AGXT: variants seen among roughly 807,000 people sequenced by gnomAD.
AGXT encodes alanine--glyoxylate aminotransferase.
In AGXT, 41 loss-of-function variants were observed where a neutral mutation model predicts 46.9. The ratio of observed to expected loss-of-function variants is 0.88; its 90% CI spans 0.68 to 1.14. AGXT has a LOEUF of 1.14. Among genes scored for constraint, AGXT ranks in the 50% most tolerant of loss-of-function variants. AGXT has a pLI of 0.00. For missense variants in AGXT, 525 were observed against 522.7 expected (o/e 1.00, Z -0.04); for synonymous variants, 244 against 227.9 (o/e 1.07, Z -0.64).
chr2:240,877,429 C>T (rs756950376), intron 8 of AGXT, 108 bp from the exon 9 acceptor site: 4 of 1,124,036 alleles, frequency 3.6e-6, no homozygotes, highest in African/African-American at 3.1e-5. Context: ...CAGGGGCTCC[C>T]CTGCACCAAG....
At position 240,879,061 on chromosome 2, in the gene AGXT, G is replaced by T. The variant is rs1195350423; in HGVS notation, c.*240G>T. On this transcript the variant is annotated 3_prime_UTR_variant, in exon 11 of 11. Transcript: ENST00000307503. ...CCCAGTGCCTTCCAAATGAGCTGCA[G>T]TCCCCAGGCCATGAGCCTCCCGGGA... 1 of 595,376 alleles carries T rather than the reference G, an allele frequency of 1.7e-6. No individual in the cohort carries two copies. The highest frequency in any genetic ancestry group is 2.8e-5 in the East Asian group (1 of 35,734). 36.9% of individuals were successfully genotyped at this position (595,376 alleles called of 1,614,324 possible). A position where few individuals can be genotyped will look rare whatever the true frequency, so the allele number is the denominator to read the frequency against.
intron 10 of AGXT, 122 bp downstream of exon 10, chr2:240,878,272 TC>T: frequency 7.1e-7 from 1 of 1,403,452 alleles, no homozygotes; most frequent in Non-Finnish European, 9.7e-7. Flanking sequence ...TGCAGGAGCG[TC>T]CAGAAGGGCC....
intron 4 of AGXT, among the ~76,000 whole-genome samples, chr2:240,872,226 A>G (rs1441778957): frequency 1.4e-5 from 2 of 144,478 alleles, no homozygotes; most frequent in African/African-American, 5.3e-5. Flanking sequence ...GAGTTCGTGA[A>G]CATGTAGGTG....
intron 8 of AGXT, 45 bp downstream of exon 8, chr2:240,876,049 G>A: frequency 6.2e-7 from 1 of 1,602,072 alleles, no homozygotes; most frequent in Non-Finnish European, 8.5e-7. Flanking sequence ...CCACTGGCTG[G>A]ATTGTCGAGG....
At chr2:240,878,611 G>C in intron 10 of AGXT, 103 bp from the exon 11 acceptor site, 2 of 1,086,228 alleles carry the variant, frequency 1.8e-6, no homozygotes, top group East Asian at 5.2e-5. Context: ...CTGGGTGGGT[G>C]GTCCTCACTC....
rs1236095160 is a variant in AGXT at position 240,877,614 on chromosome 2, G to A, written c.924G>A (p.Gln308=). The part of the protein sequence containing the change: ...LHGRLQALGL[Q]LFVKDPALRL... ...GGCGCCTGCAGGCACTGGGGCTGCA[G>A]CTCTTCGTGAAGGACCCGGTAAGGA... The change falls in exon 9 of 11, where the codon CAG becomes CAA. Residue 308 remains glutamine, a synonymous_variant. Transcript: ENST00000307503. The A allele has an allele frequency of 1.9e-6, 3 of 1,550,944 alleles. No individual in the cohort carries two copies. The highest frequency in any genetic ancestry group is 1.2e-5 in the South Asian group (1 of 84,082).
At chr2:240,876,067 C>T in intron 8 of AGXT, 63 bp downstream of exon 8, 1 of 1,559,392 alleles carries the variant, frequency 6.4e-7, no homozygotes, top group Non-Finnish European at 8.8e-7. Context: ...AGGGCGCGGC[C>T]TGCAGAGAAG....
chr2:240,875,816 A>T (rs921423382), intron 7 of AGXT, 119 bp from the exon 8 acceptor site: 1 of 1,127,802 alleles, frequency 8.9e-7, no homozygotes, highest in Non-Finnish European at 1.3e-6. Context: ...TCCTCTGCGG[A>T]GGATACCGGC....
chr2:240,875,185 T>C lies in AGXT; in HGVS notation c.757T>C (p.Cys253Arg), dbSNP rs180177264. The C allele has an allele frequency of 9.9e-6, 16 of 1,613,524 alleles. No individual in the cohort carries two copies. The highest frequency in any genetic ancestry group is 1.4e-5 in the Non-Finnish European group (16 of 1,179,496). ...CAAGTGGCTGGCCAACTTCTGGGGC[T>C]GTGACGACCAGCCCAGGATGTGAGG... ...DIKWLANFWGCDDQPRMYHHT... is the reference protein window; with the variant it reads ...DIKWLANFWGRDDQPRMYHHT... Residue 253 changes from cysteine to arginine, a missense_variant, in exon 7 of 11, where the codon TGT (cysteine) becomes CGT (arginine). Cys to Arg is a radical substitution (Grantham distance 180). Transcript: ENST00000307503.
intron 9 of AGXT, 116 bp from the exon 10 acceptor site, chr2:240,877,906 T>G: frequency 6.8e-7 from 1 of 1,467,888 alleles, no homozygotes; most frequent in South Asian, 1.2e-5. Context: ...CTCCCGGCCC[T>G]TTCTCCCCCG....
Position 240,878,600 on chromosome 2 carries a change from G to A in AGXT, c.1072-114G>A, listed in dbSNP as rs35566646. 359,751 of 977,348 alleles carry A rather than the reference G, an allele frequency of 0.37. 68,265 individuals carry two copies. The highest frequency in any genetic ancestry group is 0.4 in the Non-Finnish European group (257,204 of 646,586). 60.5% of individuals were successfully genotyped at this position (977,348 alleles called of 1,614,324 possible). ...AGGGCTGTCAACTCCCCTCATGGAC[G>A]CTGGGTGGGTGGTCCTCACTCAGGT... On this transcript the variant is annotated intron_variant, in intron 10 of 10. Transcript: ENST00000307503.
In AGXT at chr2:240,874,485, G is replaced by A. The variant is rs575675252; in HGVS notation, c.680+423G>A. Among the ~76,000 whole-genome samples, 27 of 152,366 alleles carry A rather than the reference G, an allele frequency of 1.8e-4. No homozygotes were observed. In the East Asian group the frequency reaches 3.1e-3, roughly 17 times the overall value. On this transcript the variant is annotated intron_variant, in intron 6 of 10. Transcript: ENST00000307503. ...TGGTGTCCAGATTCTGAGCCAGGCC[G>A]GGCAGGGGGTAGGGGAAGGGGGCCA...
Position 240,879,773 on chromosome 2 carries a change from G to A in AGXT, c.*952G>A, listed in dbSNP as rs2059048583. On this transcript the variant is annotated 3_prime_UTR_variant, in exon 11 of 11. Transcript: ENST00000307503. ...GATCCACCTGCCTCGGCCTCCCAAA[G>A]TGCTGGGATTACAAGCGTGAGCCAC... 1 of 152,262 alleles carries A rather than the reference G, an allele frequency of 6.6e-6. No individual in the cohort carries two copies. The highest frequency in any genetic ancestry group is 1.5e-5 in the Non-Finnish European group (1 of 68,114). 9.4% of individuals were successfully genotyped at this position (152,262 alleles called of 1,614,324 possible).
In AGXT at chr2:240,878,768, G is replaced by A. The variant is rs759836341; in HGVS notation, c.1126G>A (p.Val376Met). Reference protein sequence around the residue: ...CNATRENVDRVTEALRAALQH... With the variant: ...CNATRENVDRMTEALRAALQH... ...TGCCACCCGCGAGAATGTGGACCGCGTGACGGAGGCCCTGAGGGCGGCCCT... is the reference window on the plus strand; with the variant it reads ...TGCCACCCGCGAGAATGTGGACCGCATGACGGAGGCCCTGAGGGCGGCCCT... The change falls in exon 11 of 11, where the codon GTG becomes ATG. Residue 376 changes from valine to methionine, a missense_variant. By Grantham distance (21) the Val-to-Met change is conservative. Transcript: ENST00000307503. 40 of 1,593,936 alleles carry A rather than the reference G, an allele frequency of 2.5e-5. No homozygotes were observed. Among genetic ancestry groups the A allele is most frequent in the East Asian group, 2.3e-4 (10 of 44,162 alleles).
Position 240,875,950 on chromosome 2 carries a change from C to A in AGXT, c.792C>A (p.Ile264=), listed in dbSNP as rs1318920655. Residue 264 remains isoleucine (I), a synonymous_variant, in exon 8 of 11, where the codon ATC becomes ATA. Transcript: ENST00000307503. ...TGTCTTCCAGGTACCATCACACAATCCCCGTCATCAGCCTGTACAGCCTGA... is the reference window on the plus strand; with the variant it reads ...TGTCTTCCAGGTACCATCACACAATACCCGTCATCAGCCTGTACAGCCTGA... ...DDQPRMYHHT[I]PVISLYSLRE... The A allele has an allele frequency of 3.1e-6, 5 of 1,614,096 alleles. No homozygotes were observed. The African/African-American group carries it at 5.3e-5, about 17-fold the overall frequency.
rs949198045 is a variant in AGXT, at chr2:240,879,159, C to G, written c.*338C>G. 1.9e-5 allele frequency: 8 copies of G among 425,732 alleles called. No individual in the cohort carries two copies. Among genetic ancestry groups the G allele is most frequent in the African/African-American group, 1.6e-4 (8 of 49,534 alleles). 26.4% of individuals were successfully genotyped at this position (425,732 alleles called of 1,614,324 possible). A position where few individuals can be genotyped will look rare whatever the true frequency, so the allele number is the denominator to read the frequency against. On this transcript the variant is annotated 3_prime_UTR_variant, in exon 11 of 11. Transcript: ENST00000307503. ...CTGTGAAAGAGTGAGAGGAGAGCAT[C>G]TCTGCTCCCTGAGCTGCCTGATTGT...
intron 8 of AGXT, 147 bp downstream of exon 8, chr2:240,876,151 C>T (rs961434415): frequency 6.0e-6 from 6 of 997,646 alleles, no homozygotes; most frequent in African/African-American, 1.6e-5. Context: ...GGAGAGAGGA[C>T]AGGGCCCCGG....
At chr2:240,872,920 G>A in intron 4 of AGXT, 59 bp from the exon 5 acceptor site, 2 of 1,449,166 alleles carry the variant, frequency 1.4e-6, no homozygotes, top group Non-Finnish European at 1.9e-6. Context: ...CTGGGGCCAG[G>A]CCCTCCAGTG....
chr2:240,870,017 G>A (rs1451947395), intron 2 of AGXT, among the ~76,000 whole-genome samples: 1 of 152,162 alleles, frequency 6.6e-6, no homozygotes, highest in Non-Finnish European at 1.5e-5. Context: ...GTCGGCAGAG[G>A]CCAGGACCCC....
Sources: allele counts gnomAD v4.1 joint callset (sites outside exome capture counted in the v4.1 genomes callset), GRCh38; gene constraint gnomAD v4.1.1; transcripts MANE v1.5; gene names NCBI Gene and HGNC (gene_info 2026-07-23, HGNC 2026-07-21).